Variants in RAB15 observed in about 807,000 individuals in gnomAD.
RAB15 encodes RAB15, member RAS oncogene family, also known as ras-related protein Rab-15.
RAB15 carries 13 observed loss-of-function variants against 31.8 expected under a neutral mutation model. The observed-to-expected ratio is 0.41, with a 90% CI of 0.27 to 0.65. The LOEUF (loss-of-function observed/expected upper bound fraction) is 0.65. Ranked by LOEUF, RAB15 falls within the 30% of genes least tolerant of loss-of-function variation. The pLI is 0.32. For synonymous variants in RAB15, 100 were observed against 105.6 expected, an observed-to-expected ratio of 0.95 and a Z score of 0.33; for missense variants, 220 against 277.3, an observed-to-expected ratio of 0.79 and a Z score of 1.47.
chr14:64,960,654 G>A (rs376097437), intron 1 of RAB15, among the ~76,000 whole-genome samples: 2 of 152,090 alleles, frequency 1.3e-5, no homozygotes, highest in South Asian at 2.1e-4. Flanking sequence ...GGTCTGGCAC[G>A]CAGAACTTTA....
At chr14:64,964,956 T>G (rs1239056737) in intron 1 of RAB15, among the ~76,000 whole-genome samples, 4 of 151,564 alleles carry the variant, frequency 2.6e-5, no homozygotes, top group African/African-American at 9.7e-5. Flanking sequence ...TAATTTTTTT[T>G]TTTTCCTGAG....
chr14:64,952,611 C>A lies in RAB15; in HGVS notation c.125-40G>T. On this transcript the variant is annotated intron_variant, in intron 1 of 6. Transcript: ENST00000533601. This position sits in a 1 kb window ranked among gnomAD's most constrained non-coding sequence, Gnocchi z 4.2. ...AAAGAAAGAAAGTTAGAAAGCGTAC[C>A]CACGAGAAATGAACAGGAAAGGGCC... 2 of 1,476,322 alleles carry A rather than the reference C, an allele frequency of 1.4e-6. No individual in the cohort carries two copies. Among genetic ancestry groups the A allele is most frequent in the Non-Finnish European group, 1.9e-6 (2 of 1,061,452 alleles). 91.5% of individuals were successfully genotyped at this position (1,476,322 alleles called of 1,614,324 possible). A position where few individuals can be genotyped will look rare whatever the true frequency, so the allele number is the denominator to read the frequency against.
rs1224586772 is a variant in RAB15 at position 64,958,587 on chromosome 14, T to G, written c.125-6016A>C. ...CCACCATAGCCTATTTTCTCCTTCC[T>G]CCTTGGCATGGTTCATGATTCCAGT... On this transcript the variant is annotated intron_variant, in intron 1 of 6. Coordinates refer to ENST00000533601, the MANE Select transcript of RAB15 (RefSeq NM_001308154.2). This position sits in a 1 kb window ranked among gnomAD's most constrained non-coding sequence, Gnocchi z 4.4. Among the ~76,000 whole-genome samples, 1 of 152,188 alleles carries G rather than the reference T, an allele frequency of 6.6e-6. No homozygotes were observed.
chr14:64,952,591 AAG>A lies in RAB15; in HGVS notation c.125-22_125-21del. 1.9e-6 allele frequency: 3 copies of A among 1,590,168 alleles called. No homozygotes were observed. The highest frequency in any genetic ancestry group is 2.6e-6 in the Non-Finnish European group (3 of 1,159,738). On this transcript the variant is annotated intron_variant, in intron 1 of 6. Coordinates refer to ENST00000533601, the MANE Select transcript of RAB15 (RefSeq NM_001308154.2). This position sits in a 1 kb window ranked among gnomAD's most constrained non-coding sequence, Gnocchi z 4.2. Reference sequence around the variant, plus strand: ...CAACACCTGAAGAAAGGAAGAAAGAAAGAAAGTTAGAAAGCGTACCCACGAGA... The same window carrying A: ...CAACACCTGAAGAAAGGAAGAAAGAAAAAGTTAGAAAGCGTACCCACGAGA...
intron 1 of RAB15, among the ~76,000 whole-genome samples, chr14:64,966,512 T>G (rs983122961): frequency 2.0e-5 from 3 of 150,098 alleles, no homozygotes; most frequent in African/African-American, 4.9e-5. Flanking sequence ...GACAGAGAGA[T>G]ACTCGGTCTC....
Position 64,954,522 on chromosome 14 carries a change from G to T in RAB15, c.125-1951C>A, listed in dbSNP as rs550208107. 9.0e-5 allele frequency: 89 copies of T among 985,456 alleles called. No individual in the cohort carries two copies. In the African/African-American group the frequency reaches 1.4e-3, roughly 16 times the overall value. The allele number at this position is 985,456 out of a possible 1,614,324, so 61.0% of individuals were successfully genotyped here. On this transcript the variant is annotated intron_variant, in intron 1 of 6. Coordinates refer to ENST00000533601, the MANE Select transcript of RAB15 (RefSeq NM_001308154.2). The surrounding 1 kb of genome is among the most constrained non-coding windows in gnomAD (Gnocchi z 4.3). The stretch of plus-strand genomic sequence containing the variant: ...AGCCATCACAAGGGGGACAGGAAGA[G>T]AGAAGGTTTTATTTCCTTTATCCCA...
rs1886288736 is a variant in RAB15 at position 64,952,154 on chromosome 14, C to T, written c.185+357G>A. ...CTTCATCATGCTATCCTGAGGAACT[C>T]TCTCAGGGTCTCGCCCTAAATGATG... On this transcript the variant is annotated intron_variant, in intron 2 of 6. Coordinates refer to ENST00000533601, the MANE Select transcript of RAB15 (RefSeq NM_001308154.2). This position sits in a 1 kb window ranked among gnomAD's most constrained non-coding sequence, Gnocchi z 4.2. Among the ~76,000 whole-genome samples, 1 of 152,200 alleles carries T rather than the reference C, an allele frequency of 6.6e-6. No individual in the cohort carries two copies. Among genetic ancestry groups the T allele is most frequent in the Admixed American group, 6.5e-5 (1 of 15,288 alleles).
Position 64,950,398 on chromosome 14 carries a change from A to G in RAB15, c.341T>C (p.Val114Ala). 6.2e-7 allele frequency: 1 copy of G among 1,613,952 alleles called. No homozygotes were observed. Among genetic ancestry groups the G allele is most frequent in the South Asian group, 1.1e-5 (1 of 91,066 alleles). ...SDVDEYAPEG[V>A]QKILIGNKAD... ...CTTATTCCCAATAAGGATCTTCTGGACGCCTTCTGGTGCGTACTAGGGACA... is the reference window on the plus strand; with the variant it reads ...CTTATTCCCAATAAGGATCTTCTGGGCGCCTTCTGGTGCGTACTAGGGACA... Residue 114 changes from valine to alanine, a missense_variant, in exon 5 of 7, where the codon GTC (valine) becomes GCC (alanine). Val to Ala is a moderately conservative substitution (Grantham distance 64, BLOSUM62 0). Transcript: ENST00000533601. This position sits in a 1 kb window ranked among gnomAD's most constrained non-coding sequence, Gnocchi z 5.6.
At position 64,948,253 on chromosome 14, in the gene RAB15, TCA is replaced by T. The variant is rs1374165396; in HGVS notation, c.*99_*100del. The T allele has an allele frequency of 3.9e-6, 5 of 1,272,830 alleles. No homozygotes were observed. The highest frequency in any genetic ancestry group is 1.6e-5 in the South Asian group (1 of 62,022). 78.8% of individuals were successfully genotyped at this position (1,272,830 alleles called of 1,614,324 possible). A position where few individuals can be genotyped will look rare whatever the true frequency, so the allele number is the denominator to read the frequency against. On this transcript the variant is annotated 3_prime_UTR_variant, in exon 7 of 7. Coordinates refer to ENST00000533601, the MANE Select transcript of RAB15 (RefSeq NM_001308154.2). This position sits in a 1 kb window ranked among gnomAD's most constrained non-coding sequence, Gnocchi z 7.0. ...TGGCTACTGATACTCAATAGGGTCA[TCA>T]CACGAGAGGACAGCAGCAGGGCAAA...
At position 64,955,029 on chromosome 14, in the gene RAB15, C is replaced by A. The variant is rs114582534; in HGVS notation, c.125-2458G>T. 5.1e-3 allele frequency among the ~76,000 whole-genome samples: 771 copies of A among 152,198 alleles called. 6 individuals carry two copies. Among genetic ancestry groups the A allele is most frequent in the African/African-American group, 0.017 (714 of 41,518 alleles). On this transcript the variant is annotated intron_variant, in intron 1 of 6. Transcript: ENST00000533601. The surrounding 1 kb of genome is among the most constrained non-coding windows in gnomAD (Gnocchi z 4.4). ...CTCCTTCTCACCTCCTCCCTCACTT[C>A]TTAGCTATGTGGCGGGGGACTAAGG...
chr14:64,949,051 C>T (rs1886082629), intron 5 of RAB15, among the ~76,000 whole-genome samples: 1 of 152,206 alleles, frequency 6.6e-6, no homozygotes, highest in Admixed American at 6.5e-5. Context: ...TCTGGAGTCC[C>T]ACAGTCCCAG....
In RAB15 at chr14:64,948,427, G is replaced by A; in HGVS notation, c.566C>T (p.Ala189Val). ...CTCCTCCTCCTCCAGCTCTGCCAGTGCCAACTCATTGCTGGCACGCATCCG... is the reference window on the plus strand; with the variant it reads ...CTCCTCCTCCTCCAGCTCTGCCAGTACCAACTCATTGCTGGCACGCATCCG... ...GLRMRASNELALAELEEEEGK... is the reference protein window; with the variant it reads ...GLRMRASNELVLAELEEEEGK... Residue 189 changes from alanine to valine, a missense_variant, in exon 7 of 7, where the codon GCA becomes GTA. Physicochemically the swap from Ala to Val is moderately conservative, Grantham distance 64 (BLOSUM62 0). Transcript: ENST00000533601. The surrounding 1 kb of genome is among the most constrained non-coding windows in gnomAD (Gnocchi z 7.0). 1 of 1,613,662 alleles carries A rather than the reference G, an allele frequency of 6.2e-7. No homozygotes were observed. Among genetic ancestry groups the A allele is most frequent in the South Asian group, 1.1e-5 (1 of 91,006 alleles).
chr14:64,971,419 C>T lies in RAB15; in HGVS notation c.124+534G>A, dbSNP rs796967554. ...TCTGTGTCCTCCCCCAGGTGTCCCA[C>T]CTTGCGGCTTACCTTCCCAACTCTG... is the stretch of plus-strand genomic sequence containing the variant. On this transcript the variant is annotated intron_variant, in intron 1 of 6. Coordinates refer to ENST00000533601, the MANE Select transcript of RAB15 (RefSeq NM_001308154.2). This position sits in a 1 kb window ranked among gnomAD's most constrained non-coding sequence, Gnocchi z 4.1. 6.6e-6 allele frequency among the ~76,000 whole-genome samples: 1 copy of T among 152,158 alleles called. No homozygotes were observed. Among genetic ancestry groups the T allele is most frequent in the Non-Finnish European group, 1.5e-5 (1 of 68,026 alleles).
rs886250263 is a variant in RAB15, at chr14:64,966,032, C to T, written c.124+5921G>A. Reference sequence around the variant, plus strand: ...AAGCCTTGAGGCAAAGCCACCCCATCCTCTCCTCTCAGGTCACCCCACTGC... The same window carrying T: ...AAGCCTTGAGGCAAAGCCACCCCATTCTCTCCTCTCAGGTCACCCCACTGC... On this transcript the variant is annotated intron_variant, in intron 1 of 6. Transcript: ENST00000533601. 3.3e-5 allele frequency among the ~76,000 whole-genome samples: 5 copies of T among 152,144 alleles called. No homozygotes were observed. The East Asian group carries it at 5.8e-4, about 18-fold the overall frequency.
Position 64,953,376 on chromosome 14 carries a change from C to T in RAB15, c.125-805G>A, listed in dbSNP as rs1176826395. On this transcript the variant is annotated intron_variant, in intron 1 of 6. Coordinates refer to ENST00000533601, the MANE Select transcript of RAB15 (RefSeq NM_001308154.2). The surrounding 1 kb of genome is among the most constrained non-coding windows in gnomAD (Gnocchi z 4.6). ...GGCCGGATGAGATACAGCACCTGGC[C>T]CAATTGACTGCAGCTGTCATGAGCT... Among the ~76,000 whole-genome samples, 1 of 152,172 alleles carries T rather than the reference C, an allele frequency of 6.6e-6. No homozygotes were observed. The highest frequency in any genetic ancestry group is 1.5e-5 in the Non-Finnish European group (1 of 68,024).
rs1594960621 is a variant in RAB15, at chr14:64,971,682, C to G, written c.124+271G>C. 1.9e-6 allele frequency: 1 copy of G among 512,962 alleles called. No individual in the cohort carries two copies. The highest frequency in any genetic ancestry group is 3.5e-6 in the Non-Finnish European group (1 of 283,520). The allele number at this position is 512,962 out of a possible 1,614,324, so 31.8% of individuals were successfully genotyped here. A position where few individuals can be genotyped will look rare whatever the true frequency, so the allele number is the denominator to read the frequency against. On this transcript the variant is annotated intron_variant, in intron 1 of 6. Transcript: ENST00000533601. The surrounding 1 kb of genome is among the most constrained non-coding windows in gnomAD (Gnocchi z 4.1). ...CTCGGGGTACCCAGGCCTACACCAG[C>G]TCCCCTCACCCCCGGTTTCTCGGTT...
chr14:64,951,048 C>A lies in RAB15; in HGVS notation c.324+26G>T. On this transcript the variant is annotated intron_variant, in intron 4 of 6. Coordinates refer to ENST00000533601, the MANE Select transcript of RAB15 (RefSeq NM_001308154.2). This position sits in a 1 kb window ranked among gnomAD's most constrained non-coding sequence, Gnocchi z 7.2. ...CCCCGGTGAGGCACCCTCTCCACAC[C>A]CCGGCAGTGAGGTGGCATCTCCTAC... The A allele has an allele frequency of 6.2e-7, 1 of 1,613,456 alleles. No homozygotes were observed. Among genetic ancestry groups the A allele is most frequent in the South Asian group, 1.1e-5 (1 of 91,082 alleles).
chr14:64,948,495 T>G lies in RAB15; in HGVS notation c.498A>C (p.Thr166=). 6.2e-7 allele frequency: 1 copy of G among 1,609,150 alleles called. No individual in the cohort carries two copies. The change falls in exon 7 of 7, where the codon ACA becomes ACC. Residue 166 remains threonine (T), a synonymous_variant. Coordinates refer to ENST00000533601, the MANE Select transcript of RAB15 (RefSeq NM_001308154.2). This position sits in a 1 kb window ranked among gnomAD's most constrained non-coding sequence, Gnocchi z 7.0. ...LNIKESFTRL[T]ELVLQAHRKE... ...TCCTATGGGCCTGCAGCACCAGCTCTGTCAGACGCGTGAATGACTGGAAAC... is the reference window on the plus strand; with the variant it reads ...TCCTATGGGCCTGCAGCACCAGCTCGGTCAGACGCGTGAATGACTGGAAAC...
chr14:64,972,084 G>A lies in RAB15; in HGVS notation c.-8C>T. 2 of 1,594,716 alleles carry A rather than the reference G, an allele frequency of 1.3e-6. No individual in the cohort carries two copies. Among genetic ancestry groups the A allele is most frequent in the Non-Finnish European group, 1.7e-6 (2 of 1,172,806 alleles). ...ATCGTACTGCTTCGCCATGACTGGG[G>A]CCAGCGGGGCCGGGAACTGCGGGCG... is the stretch of plus-strand genomic sequence containing the variant. On this transcript the variant is annotated 5_prime_UTR_variant, in exon 1 of 7. Coordinates refer to ENST00000533601, the MANE Select transcript of RAB15 (RefSeq NM_001308154.2). This position sits in a 1 kb window ranked among gnomAD's most constrained non-coding sequence, Gnocchi z 6.3.
Sources: gnomAD v4.1 joint callset for allele counts (sites outside exome capture counted in the v4.1 genomes callset) on GRCh38, gnomAD v4.1.1 for gene constraint, Gnocchi (gnomAD v3.1) non-coding constraint, MANE v1.5 for transcripts, NCBI Gene and HGNC (gene_info 2026-07-23, HGNC 2026-07-21) for gene names.